The following COL21A1 variants were observed in gnomAD, a reference collection of about 807,000 sequenced individuals.
COL21A1 encodes collagen type XXI alpha 1 chain.
A neutral mutation model predicts 137.9 loss-of-function variants in COL21A1; 149 were observed. The observed-to-expected ratio is 1.08, with a 90% confidence interval of 0.95 to 1.24. The LOEUF (loss-of-function observed/expected upper bound fraction) is 1.24. COL21A1 is among the 50% of genes most tolerant of loss of function. The probability of loss-of-function intolerance (pLI) is 0.00; values close to 1 mark genes in which losing one functional copy is unlikely to be tolerated. For synonymous variants in COL21A1, 456 were observed against 391.5 expected (o/e 1.16, Z -1.95); for missense variants, 1,167 against 1,158.4 (o/e 1.01, Z -0.11).
intron 16 of COL21A1, among the ~76,000 whole-genome samples, chr6:56,106,373 A>C (rs1770892661): frequency 6.6e-6 from 1 of 152,168 alleles, no homozygotes; most frequent in African/African-American, 2.4e-5. Context: ...TCTCTAAATA[A>C]GATGGAGCTT....
intron 1 of COL21A1, among the ~76,000 whole-genome samples, chr6:56,289,313 C>T (rs1763985111): frequency 6.6e-6 from 1 of 152,194 alleles, no homozygotes. Flanking sequence ...GAGTTCCTTC[C>T]AGCAATATAC....
chr6:56,365,901 G>A (rs1232916790), intron 1 of COL21A1, among the ~76,000 whole-genome samples: 1 of 152,128 alleles, frequency 6.6e-6, no homozygotes, highest in African/African-American at 2.4e-5. Context: ...TATATGGAAG[G>A]ATTTTTTTAG....
chr6:56,064,722 G>A (rs770865064), intron 23 of COL21A1, 100 bp from the exon 24 acceptor site: 61 of 651,118 alleles, frequency 9.4e-5, no homozygotes, highest in Admixed American at 1.8e-4. Context: ...CAGAAGAAAC[G>A]TAACAAAAGC....
intron 1 of COL21A1, among the ~76,000 whole-genome samples, chr6:56,334,028 T>TATGATAGCATGGAGTTTCAGTA (rs59592166): frequency 1.3e-5 from 2 of 151,642 alleles, no homozygotes; most frequent in Admixed American, 1.3e-4. Context: ...ATGCTTTGCA[T>TATGATAGCATGGAGTTTCAGTA]ATGACAGTAT....
intron 1 of COL21A1, among the ~76,000 whole-genome samples, chr6:56,264,227 A>T (rs539188827): frequency 1.8e-4 from 27 of 152,330 alleles, no homozygotes; most frequent in African/African-American, 6.3e-4. Context: ...AAAGGGTTTC[A>T]TAACACGTCC....
intron 24 of COL21A1, among the ~76,000 whole-genome samples, chr6:56,064,344 A>G (rs569090677): frequency 1.5e-4 from 23 of 152,092 alleles, no homozygotes; most frequent in Non-Finnish European, 2.8e-4. Flanking sequence ...ACGCATTAAA[A>G]AACAAAATTC....
intron 1 of COL21A1, among the ~76,000 whole-genome samples, chr6:56,279,497 T>C (rs1763745468): frequency 6.6e-6 from 1 of 152,196 alleles, no homozygotes; most frequent in Admixed American, 6.5e-5. Flanking sequence ...TGTCTTTCTC[T>C]TGGCAATCAA....
chr6:56,073,908 G>A lies in COL21A1; in HGVS notation c.1965+324C>T, dbSNP rs142675731. On this transcript the variant is annotated intron_variant, in intron 20 of 29. Coordinates refer to ENST00000244728, the MANE Select transcript of COL21A1 (RefSeq NM_030820.4). ...AAGAGATATTCTTATTCATAACTAT[G>A]AATGCTCTAGACTGGTGGTTTTGGC... Among the ~76,000 whole-genome samples the A allele has an allele frequency of 2.1e-3, 313 of 151,460 alleles. 1 individual carries two copies. The highest frequency in any genetic ancestry group is 3.3e-3 in the Non-Finnish European group (223 of 67,598).
intron 1 of COL21A1, among the ~76,000 whole-genome samples, chr6:56,374,781 G>T (rs1415064025): frequency 6.7e-6 from 1 of 148,864 alleles, no homozygotes; most frequent in Non-Finnish European, 1.5e-5. Context: ...TGGAATGTTT[G>T]TAAAAAAGAC....
At chr6:56,123,373 T>C (rs1456565507) in intron 16 of COL21A1, among the ~76,000 whole-genome samples, 1 of 152,096 alleles carries the variant, frequency 6.6e-6, no homozygotes, top group African/African-American at 2.4e-5. Flanking sequence ...TTGAAGTAAA[T>C]AAATGAATAA....
At position 56,202,125 on chromosome 6, in the gene COL21A1, A is replaced by G. The variant is rs116423888; in HGVS notation, c.-38-19469T>C. On this transcript the variant is annotated intron_variant, in intron 1 of 29. Coordinates refer to ENST00000244728, the MANE Select transcript of COL21A1 (RefSeq NM_030820.4). ...AAGATTAAACTATCTTTCAATCTAG[A>G]TGATCAAGACTGAAGTTTTTACTCT... is the stretch of plus-strand genomic sequence containing the variant. 6.2e-3 allele frequency among the ~76,000 whole-genome samples: 946 copies of G among 152,250 alleles called. 10 individuals carry two copies. Among genetic ancestry groups the G allele is most frequent in the African/African-American group, 0.022 (897 of 41,562 alleles).
At chr6:56,334,203 A>C (rs1010498652) in intron 1 of COL21A1, among the ~76,000 whole-genome samples, 1 of 152,096 alleles carries the variant, frequency 6.6e-6, no homozygotes, top group Non-Finnish European at 1.5e-5. Flanking sequence ...ATACTTGTCC[A>C]TCTGCCCTCC....
intron 1 of COL21A1, among the ~76,000 whole-genome samples, chr6:56,229,774 G>C (rs1781433255): frequency 6.6e-6 from 1 of 151,866 alleles, no homozygotes; most frequent in African/African-American, 2.4e-5. Context: ...CGTTGGCCAT[G>C]AGTATCATGG....
chr6:56,234,601 AT>A (rs1433294505), intron 1 of COL21A1, among the ~76,000 whole-genome samples: 2 of 151,342 alleles, frequency 1.3e-5, no homozygotes, highest in Non-Finnish European at 3.0e-5. Flanking sequence ...CACATTTAGG[AT>A]TTTTTTTTCT....
At chr6:56,158,979 T>C (rs1331575097) in intron 9 of COL21A1, among the ~76,000 whole-genome samples, 1 of 152,168 alleles carries the variant, frequency 6.6e-6, no homozygotes, top group Non-Finnish European at 1.5e-5. Context: ...GGAAACAACT[T>C]TCTGTGTCTC....
chr6:56,074,268 A>G lies in COL21A1; in HGVS notation c.1929T>C (p.Asn643=). The G allele has an allele frequency of 6.3e-7, 1 of 1,593,864 alleles. No individual in the cohort carries two copies. Residue 643 remains asparagine (N), a synonymous_variant, in exon 20 of 30, where the codon AAT becomes AAC. Coordinates refer to ENST00000244728, the MANE Select transcript of COL21A1 (RefSeq NM_030820.4). ...GTGTTCCAGGCTGGCCTGGTGAGCC[A>G]TTGCTTCCCATTAAACCCTACAATT... ...APGMPGLMGS[N]GSPGQPGTPG...
intron 10 of COL21A1, among the ~76,000 whole-genome samples, chr6:56,153,169 G>A (rs1397173943): frequency 6.6e-6 from 1 of 152,114 alleles, no homozygotes; most frequent in Admixed American, 6.5e-5. Context: ...GGAGAGGTTA[G>A]GTTTGGAGTC....
At chr6:56,332,582 C>T (rs373216956) in intron 1 of COL21A1, among the ~76,000 whole-genome samples, 5 of 146,518 alleles carry the variant, frequency 3.4e-5, no homozygotes, top group South Asian at 4.2e-4. Context: ...ACCAAATAGC[C>T]CCCCCGCCCC....
chr6:56,201,208 T>G (rs1472070893), intron 1 of COL21A1, among the ~76,000 whole-genome samples: 1 of 152,166 alleles, frequency 6.6e-6, no homozygotes, highest in African/African-American at 2.4e-5. Flanking sequence ...ATATTAGCCC[T>G]TTGTCAGATG....
Sources: allele counts gnomAD v4.1 joint callset (sites outside exome capture counted in the v4.1 genomes callset), GRCh38; gene constraint gnomAD v4.1.1; transcripts MANE v1.5; gene names NCBI Gene and HGNC (gene_info 2026-07-23, HGNC 2026-07-21).